Variants in FOXP2 observed in about 807,000 individuals in gnomAD.
The protein encoded by FOXP2 is forkhead box protein P2.
In FOXP2, 12 loss-of-function variants were observed where a neutral mutation model predicts 115.8. The ratio of observed to expected loss-of-function variants is 0.10; its 90% CI spans 0.07 to 0.17. The LOEUF (loss-of-function observed/expected upper bound fraction) is 0.17. Among genes scored for constraint, FOXP2 ranks in the 10% least tolerant of loss-of-function variants. FOXP2 has a pLI of 1.00. For missense variants in FOXP2, 629 were observed against 843.5 expected (o/e 0.75, Z 3.15); for synonymous variants, 328 against 297.7 (o/e 1.10, Z -1.05).
chr7:114,558,994 C>A (rs1246978614), intron 3 of FOXP2, among the ~76,000 whole-genome samples: 3 of 151,752 alleles, frequency 2.0e-5, no homozygotes, highest in Non-Finnish European at 2.9e-5. Flanking sequence ...AAATTTTTTT[C>A]TTTCACTCTC....
chr7:114,421,722 G>T (rs1001256525), intron 1 of FOXP2, among the ~76,000 whole-genome samples: 2 of 151,596 alleles, frequency 1.3e-5, no homozygotes, highest in Non-Finnish European at 3.0e-5. Flanking sequence ...AAATATTCAT[G>T]TGCTGTTTCA....
At chr7:114,237,910 G>C (rs949524377) in intron 1 of FOXP2, among the ~76,000 whole-genome samples, 1 of 152,130 alleles carries the variant, frequency 6.6e-6, no homozygotes, top group African/African-American at 2.4e-5. Flanking sequence ...AGGAGGCAGA[G>C]GTTATAGTGA....
chr7:114,417,708 T>A (rs1425829384), intron 1 of FOXP2, among the ~76,000 whole-genome samples: 2 of 151,950 alleles, frequency 1.3e-5, no homozygotes, highest in East Asian at 3.9e-4. Context: ...ATCTTTATTT[T>A]AATGACAAAG....
intron 1 of FOXP2, among the ~76,000 whole-genome samples, chr7:114,204,319 T>C (rs1309475914): frequency 1.3e-5 from 2 of 152,186 alleles, no homozygotes; most frequent in African/African-American, 4.8e-5. Flanking sequence ...GGAAATCCAG[T>C]GTATAGTTGA....
rs1006413344 is a variant in FOXP2 at position 114,282,572 on chromosome 7, G to GT, written c.-101-5441dup. Among the ~76,000 whole-genome samples the GT allele has an allele frequency of 3.9e-5, 6 of 152,126 alleles. No homozygotes were observed. In the East Asian group the frequency reaches 7.7e-4, roughly 20 times the overall value. On this transcript the variant is annotated intron_variant, in intron 1 of 17. Coordinates refer to the FOXP2 transcript ENST00000634411. The stretch of plus-strand genomic sequence containing the variant: ...AATTCCCATGCCTGTCTAGTTTTAT[G>GT]TTTTTTAGTCTACAGATTAATACAT...
At chr7:114,476,124 A>G (rs1297509215) in intron 2 of FOXP2, among the ~76,000 whole-genome samples, 4 of 150,650 alleles carry the variant, frequency 2.7e-5, no homozygotes, top group Non-Finnish European at 5.9e-5. Context: ...CTTAAGTTTA[A>G]TTAGGTCCCA....
intron 1 of FOXP2, among the ~76,000 whole-genome samples, chr7:114,186,617 A>G (rs1272884926): frequency 6.6e-6 from 1 of 152,076 alleles, no homozygotes; most frequent in Non-Finnish European, 1.5e-5. Context: ...CAACTTTGCC[A>G]GGTTGGTGTT....
intron 2 of FOXP2, among the ~76,000 whole-genome samples, chr7:114,521,086 T>C (rs1311498965): frequency 6.6e-6 from 1 of 152,140 alleles, no homozygotes; most frequent in African/African-American, 2.4e-5. Flanking sequence ...AATTTGAAAT[T>C]TGTTTCTATT....
At chr7:114,279,793 A>G (rs956693917) in intron 1 of FOXP2, among the ~76,000 whole-genome samples, 3 of 152,098 alleles carry the variant, frequency 2.0e-5, no homozygotes, top group African/African-American at 4.8e-5. Flanking sequence ...GTTGCTTAGC[A>G]TAGAAGAGGT....
At chr7:114,452,005 A>T (rs561061943) in intron 2 of FOXP2, among the ~76,000 whole-genome samples, 1 of 151,846 alleles carries the variant, frequency 6.6e-6, no homozygotes, top group African/African-American at 2.4e-5. Flanking sequence ...AATTCCTTAA[A>T]CTTTCTTATT....
intron 1 of FOXP2, among the ~76,000 whole-genome samples, chr7:114,284,954 A>C (rs1052178173): frequency 1.3e-5 from 2 of 152,134 alleles, no homozygotes. Flanking sequence ...GCATACTTAC[A>C]CTTACGAATG....
intron 1 of FOXP2, among the ~76,000 whole-genome samples, chr7:114,420,879 AGT>A (rs1178940696): frequency 2.0e-5 from 3 of 151,826 alleles, no homozygotes; most frequent in Admixed American, 2.0e-4. Context: ...TACCTTGAAA[AGT>A]AAAAATTGGT....
intron 16 of FOXP2, among the ~76,000 whole-genome samples, chr7:114,687,524 C>T (rs757805268): frequency 1.6e-4 from 25 of 152,118 alleles, no homozygotes; most frequent in Non-Finnish European, 3.4e-4. Flanking sequence ...ATTTTTCTCG[C>T]TTTTTCAAAC....
At chr7:114,514,816 A>G (rs929030973) in intron 2 of FOXP2, among the ~76,000 whole-genome samples, 1 of 151,842 alleles carries the variant, frequency 6.6e-6, no homozygotes, top group Non-Finnish European at 1.5e-5. Context: ...TGCTGCACCC[A>G]TTAACTCATC....
intron 1 of FOXP2, among the ~76,000 whole-genome samples, chr7:114,183,911 G>C (rs1299765480): frequency 1.3e-5 from 2 of 152,152 alleles, no homozygotes; most frequent in Non-Finnish European, 2.9e-5. Context: ...TATCTAGCCT[G>C]TCATAATCAG....
chr7:114,604,574 C>T (rs1803210365), intron 3 of FOXP2, among the ~76,000 whole-genome samples: 5 of 152,188 alleles, frequency 3.3e-5, no homozygotes, highest in East Asian at 1.9e-4. Flanking sequence ...ACTTTCTATA[C>T]GTTGGTTTTG....
At chr7:114,499,169 T>A in intron 2 of FOXP2, 1 of 468,384 alleles carries the variant, frequency 2.1e-6, no homozygotes, top group African/African-American at 2.0e-5. Flanking sequence ...TGAGGAATCA[T>A]GAGATCCAGC....
At position 114,513,258 on chromosome 7, in the gene FOXP2, A is replaced by G. The variant is rs563684788; in HGVS notation, c.169-21359A>G. 5.5e-4 allele frequency among the ~76,000 whole-genome samples: 84 copies of G among 152,332 alleles called. No individual in the cohort carries two copies. In the South Asian group the frequency reaches 6.8e-3, roughly 12 times the overall value. Reference sequence around the variant, plus strand: ...GTAGTTTCAGTAATTAATACAATATAGTGGAAACAGAACCAACAAATGGTC... The same window carrying G: ...GTAGTTTCAGTAATTAATACAATATGGTGGAAACAGAACCAACAAATGGTC... On this transcript the variant is annotated intron_variant, in intron 2 of 16. Transcript: ENST00000350908.
At chr7:114,096,123 G>A (rs1389755283) in intron 1 of FOXP2, among the ~76,000 whole-genome samples, 1 of 152,114 alleles carries the variant, frequency 6.6e-6, no homozygotes, top group Non-Finnish European at 1.5e-5. Flanking sequence ...TTCATGAAGT[G>A]TGCGAAGGCG....
Sources: gnomAD v4.1 joint callset for allele counts (sites outside exome capture counted in the v4.1 genomes callset) on GRCh38, gnomAD v4.1.1 for gene constraint, MANE v1.5 for transcripts, NCBI Gene and HGNC (gene_info 2026-07-23, HGNC 2026-07-21) for gene names.